The following ATXN7L1 variants were observed in gnomAD, a reference collection of about 807,000 sequenced individuals.
The protein encoded by ATXN7L1 is ataxin 7 like 1, also known as ataxin-7-like protein 1.
ATXN7L1 carries 15 observed loss-of-function variants against 70.8 expected under a neutral mutation model. The ratio of observed to expected loss-of-function variants is 0.21; its 90% CI spans 0.14 to 0.33. The LOEUF (loss-of-function observed/expected upper bound fraction) is 0.33, where lower values mean the gene tolerates loss of function less well. Ranked by LOEUF, ATXN7L1 falls within the 10% of genes least tolerant of loss-of-function variation. ATXN7L1 has a pLI of 1.00. For missense variants in ATXN7L1, 975 were observed against 1,097.1 expected, an observed-to-expected ratio of 0.89 and a Z score of 1.57; for synonymous variants, 440 against 445.1, an observed-to-expected ratio of 0.99 and a Z score of 0.14.
At chr7:105,610,189 G>A (rs1357118605) in intron 11 of ATXN7L1, among the ~76,000 whole-genome samples, 2 of 152,210 alleles carry the variant, frequency 1.3e-5, no homozygotes, top group African/African-American at 2.4e-5. Context: ...ATGTGCGTAC[G>A]CTCATACAGC....
intron 7 of ATXN7L1, among the ~76,000 whole-genome samples, chr7:105,637,283 G>C (rs1039829575): frequency 6.6e-6 from 1 of 152,168 alleles, no homozygotes; most frequent in Non-Finnish European, 1.5e-5. Context: ...AGGAGCCACT[G>C]CTATCAAATA....
Position 105,876,578 on chromosome 7 carries a change from T to C in ATXN7L1, c.-20A>G. ...CGTCATCTTCGGAACGTTCCGACAT[T>C]GAGTGTTCTGAAAGGGGGAGGGAGG... On this transcript the variant is annotated 5_prime_UTR_variant, in exon 1 of 12. Coordinates refer to ENST00000419735, the MANE Select transcript of ATXN7L1 (RefSeq NM_020725.2). The C allele has an allele frequency of 7.5e-7, 1 of 1,340,196 alleles. No homozygotes were observed. The highest frequency in any genetic ancestry group is 9.9e-7 in the Non-Finnish European group (1 of 1,011,960). 83.0% of individuals were successfully genotyped at this position (1,340,196 alleles called of 1,614,324 possible). A position where few individuals can be genotyped will look rare whatever the true frequency, so the allele number is the denominator to read the frequency against.
At chr7:105,617,170 GCACCC>G (rs1188251041) in intron 9 of ATXN7L1, among the ~76,000 whole-genome samples, 1 of 152,090 alleles carries the variant, frequency 6.6e-6, no homozygotes, top group Non-Finnish European at 1.5e-5. Flanking sequence ...GGGACTACAG[GCACCC>G]GCCACCAGGC....
chr7:105,664,085 T>G (rs1242772690), intron 4 of ATXN7L1, among the ~76,000 whole-genome samples: 3 of 152,092 alleles, frequency 2.0e-5, no homozygotes. Flanking sequence ...CCTCTGAATT[T>G]TCACAGCCCA....
At chr7:105,810,809 G>A (rs959377210) in intron 2 of ATXN7L1, among the ~76,000 whole-genome samples, 2 of 152,242 alleles carry the variant, frequency 1.3e-5, no homozygotes, top group African/African-American at 2.4e-5. Context: ...GCAGAGGAGT[G>A]ACATGAACTG....
At chr7:105,706,252 G>A (rs1793145519) in intron 3 of ATXN7L1, among the ~76,000 whole-genome samples, 2 of 150,392 alleles carry the variant, frequency 1.3e-5, no homozygotes, top group Admixed American at 6.7e-5. Flanking sequence ...GGAGTGCAGT[G>A]GCACTATCTC....
chr7:105,766,261 G>A (rs542151413), intron 3 of ATXN7L1, among the ~76,000 whole-genome samples: 10 of 151,808 alleles, frequency 6.6e-5, no homozygotes, highest in African/African-American at 2.2e-4. Context: ...CGTGGGCTGC[G>A]TAAAAAACTC....
intron 2 of ATXN7L1, among the ~76,000 whole-genome samples, chr7:105,828,128 A>T (rs2116579905): frequency 6.6e-6 from 1 of 152,316 alleles, no homozygotes; most frequent in Admixed American, 6.5e-5. Context: ...ACTTGCCCCA[A>T]GGGTCAGGGA....
At chr7:105,840,144 G>T (rs1184686262) in intron 2 of ATXN7L1, among the ~76,000 whole-genome samples, 1 of 152,342 alleles carries the variant, frequency 6.6e-6, no homozygotes, top group East Asian at 1.9e-4. Context: ...GGGCCACAGT[G>T]AGGGGCTGTA....
intron 2 of ATXN7L1, 38 bp downstream of exon 2, chr7:105,875,774 A>C: frequency 1.3e-6 from 2 of 1,568,936 alleles, no homozygotes; most frequent in South Asian, 2.2e-5. Flanking sequence ...AGATTCTGCC[A>C]CACATGCTAA....
At chr7:105,727,043 A>G (rs965821721) in intron 3 of ATXN7L1, among the ~76,000 whole-genome samples, 2 of 152,242 alleles carry the variant, frequency 1.3e-5, no homozygotes, top group African/African-American at 2.4e-5. Flanking sequence ...ATTAAAAACT[A>G]GCAATCTGGT....
chr7:105,755,780 T>G (rs994752203), intron 3 of ATXN7L1, among the ~76,000 whole-genome samples: 7 of 152,168 alleles, frequency 4.6e-5, no homozygotes, highest in Non-Finnish European at 1.0e-4. Flanking sequence ...CTGAGTAGAC[T>G]CATTAAAAGA....
At chr7:105,701,939 G>A (rs910290634) in intron 3 of ATXN7L1, among the ~76,000 whole-genome samples, 2 of 152,162 alleles carry the variant, frequency 1.3e-5, no homozygotes, top group African/African-American at 2.4e-5. Context: ...CTTCCCTGAT[G>A]GAATTATGGA....
chr7:105,843,944 C>G (rs1218582908), intron 2 of ATXN7L1, among the ~76,000 whole-genome samples: 2 of 152,192 alleles, frequency 1.3e-5, no homozygotes, highest in Non-Finnish European at 2.9e-5. Flanking sequence ...TTTTCCCTTA[C>G]AATCAGATGT....
rs907712002 is a variant in ATXN7L1, at chr7:105,803,982, T to C, written c.251-15274A>G. On this transcript the variant is annotated intron_variant, in intron 2 of 11. Coordinates refer to ENST00000419735, the MANE Select transcript of ATXN7L1 (RefSeq NM_020725.2). ...GTAAGGGACTGAGAGCTGTGTTCAA[T>C]AGGGTTTGTGTCCCTGTCCCCTCCC... 1.1e-4 allele frequency among the ~76,000 whole-genome samples: 17 copies of C among 152,206 alleles called. No individual in the cohort carries two copies. In the East Asian group the frequency reaches 3.1e-3, roughly 28 times the overall value.
At chr7:105,724,603 A>AAAAG (rs1355634723) in intron 3 of ATXN7L1, among the ~76,000 whole-genome samples, 5 of 134,948 alleles carry the variant, frequency 3.7e-5, no homozygotes, top group African/African-American at 1.4e-4. Flanking sequence ...AAAAAAAAAA[A>AAAAG]GGAGGCCGGG....
chr7:105,723,453 G>A (rs75272742), intron 3 of ATXN7L1, among the ~76,000 whole-genome samples: 5,315 of 152,164 alleles, frequency 0.035, 133 homozygotes, highest in Non-Finnish European at 0.054. Flanking sequence ...ATAAAAAAGG[G>A]TGGGAAGTTG....
chr7:105,871,046 T>C (rs1328582581), intron 2 of ATXN7L1, among the ~76,000 whole-genome samples: 1 of 151,974 alleles, frequency 6.6e-6, no homozygotes, highest in South Asian at 2.1e-4. Context: ...CCAGTTATTT[T>C]TGAAGTAGTT....
At chr7:105,788,757 C>G (rs1475165102) in intron 2 of ATXN7L1, 49 bp from the exon 3 acceptor site, 1 of 1,427,676 alleles carries the variant, frequency 7.0e-7, no homozygotes. Flanking sequence ...AATTAAGTCT[C>G]AGAAGGTGTA....
Sources: gnomAD v4.1 joint callset for allele counts (sites outside exome capture counted in the v4.1 genomes callset) on GRCh38, gnomAD v4.1.1 for gene constraint, MANE v1.5 for transcripts, NCBI Gene and HGNC (gene_info 2026-07-23, HGNC 2026-07-21) for gene names.